Variants in ARHGEF10 observed in about 807,000 individuals in gnomAD.
The protein encoded by ARHGEF10 is Rho guanine nucleotide exchange factor (GEF) 10.
In ARHGEF10, 140 loss-of-function variants were observed where a neutral mutation model predicts 147.4. The observed-to-expected ratio is 0.95, with a 90% confidence interval of 0.83 to 1.09. The LOEUF is 1.09. Among genes scored for constraint, ARHGEF10 ranks in the 50% least tolerant of loss-of-function variants. The pLI is 0.00. For missense variants in ARHGEF10, 2,222 were observed against 1,752.7 expected (o/e 1.27, Z -4.78); for synonymous variants, 902 against 695.8 (o/e 1.30, Z -4.67).
At chr8:1,942,534 A>G (rs1657273994) in intron 26 of ARHGEF10, among the ~76,000 whole-genome samples, 2 of 152,060 alleles carry the variant, frequency 1.3e-5, no homozygotes, top group Admixed American at 6.5e-5. Flanking sequence ...TTCTGAGAAG[A>G]CAGTTTGTGA....
chr8:1,932,651 A>C (rs1296067006), intron 25 of ARHGEF10, among the ~76,000 whole-genome samples: 1 of 152,212 alleles, frequency 6.6e-6, no homozygotes, highest in Non-Finnish European at 1.5e-5. Context: ...ACCCTACAAC[A>C]CTTTTAGCCT....
intron 1 of ARHGEF10, among the ~76,000 whole-genome samples, chr8:1,835,169 G>A (rs2129041880): frequency 6.6e-6 from 1 of 152,282 alleles, no homozygotes; most frequent in East Asian, 1.9e-4. Context: ...CCTTTGCAGG[G>A]CCATGGAGGC....
chr8:1,901,760 G>C (rs1041124824), intron 15 of ARHGEF10, among the ~76,000 whole-genome samples: 6 of 152,166 alleles, frequency 3.9e-5, no homozygotes, highest in Admixed American at 3.9e-4. Flanking sequence ...TGCAGAACTA[G>C]TGTTAAGATT....
chr8:1,897,981 C>A (rs946129447), intron 14 of ARHGEF10, among the ~76,000 whole-genome samples: 1 of 152,154 alleles, frequency 6.6e-6, no homozygotes, highest in Admixed American at 6.5e-5. Context: ...CTGGAGACTC[C>A]CCCCAGGTCA....
intron 18 of ARHGEF10, among the ~76,000 whole-genome samples, chr8:1,919,664 A>G (rs1812074885): frequency 6.9e-6 from 1 of 145,394 alleles, no homozygotes; most frequent in African/African-American, 2.6e-5. Context: ...TCTGTCAGTG[A>G]TGGAGCTGTT....
intron 15 of ARHGEF10, among the ~76,000 whole-genome samples, chr8:1,900,879 C>A (rs143566703): frequency 1.3e-5 from 2 of 152,282 alleles, no homozygotes; most frequent in East Asian, 1.9e-4. Context: ...TTTAGAATTT[C>A]CCACACAGGG....
chr8:1,874,462 A>C (rs1807472217), intron 7 of ARHGEF10, among the ~76,000 whole-genome samples: 1 of 152,248 alleles, frequency 6.6e-6, no homozygotes, highest in African/African-American at 2.4e-5. Context: ...GAGGTGAAAA[A>C]GGTAACATGT....
At chr8:1,916,588 C>T (rs1469741474) in intron 18 of ARHGEF10, among the ~76,000 whole-genome samples, 2 of 152,208 alleles carry the variant, frequency 1.3e-5, no homozygotes, top group Admixed American at 1.3e-4. Context: ...GAGGAGCTGC[C>T]GTAACGTGTC....
chr8:1,824,664 C>G (rs1802628635), intron 1 of ARHGEF10, among the ~76,000 whole-genome samples: 1 of 124,022 alleles, frequency 8.1e-6, no homozygotes, highest in Non-Finnish European at 1.7e-5. Context: ...TCCCCCCGCA[C>G]CCCACCTGTT....
intron 28 of ARHGEF10, among the ~76,000 whole-genome samples, chr8:1,953,644 G>T (rs774128214): frequency 1.3e-5 from 1 of 75,650 alleles, no homozygotes; most frequent in African/African-American, 4.7e-5. Flanking sequence ...TTAACAGCAC[G>T]AAACAGGAGG....
At chr8:1,875,190 G>A (rs1353309868) in intron 7 of ARHGEF10, among the ~76,000 whole-genome samples, 2 of 105,390 alleles carry the variant, frequency 1.9e-5, no homozygotes, top group Admixed American at 9.8e-5. Flanking sequence ...GACACACACG[G>A]GGCTGTGTCG....
intron 25 of ARHGEF10, among the ~76,000 whole-genome samples, chr8:1,932,944 G>A (rs1469404516): frequency 6.6e-6 from 1 of 152,228 alleles, no homozygotes; most frequent in East Asian, 1.9e-4. Context: ...TGGTTAGACT[G>A]AGAATTGAAG....
At chr8:1,838,592 T>C (rs1803732999) in intron 1 of ARHGEF10, among the ~76,000 whole-genome samples, 1 of 152,246 alleles carries the variant, frequency 6.6e-6, no homozygotes, top group African/African-American at 2.4e-5. Flanking sequence ...GCACAGTTGG[T>C]GTTGGCTGAA....
At chr8:1,912,626 C>T (rs1049783568) in intron 18 of ARHGEF10, among the ~76,000 whole-genome samples, 10 of 126,850 alleles carry the variant, frequency 7.9e-5, no homozygotes, top group African/African-American at 2.4e-4. Flanking sequence ...GTTCGACATC[C>T]GGAGTTATGA....
chr8:1,873,636 CTAG>C (rs1209056632), intron 7 of ARHGEF10, among the ~76,000 whole-genome samples: 3 of 129,816 alleles, frequency 2.3e-5, no homozygotes, highest in African/African-American at 6.1e-5. Context: ...CCCGCATTTC[CTAG>C]TTGCCTTGAG....
At position 1,877,289 on chromosome 8, in the gene ARHGEF10, G is replaced by A. The variant is rs189329433; in HGVS notation, c.843+555G>A. Among the ~76,000 whole-genome samples the A allele has an allele frequency of 3.2e-3, 493 of 152,176 alleles. 5 individuals carry two copies. The highest frequency in any genetic ancestry group is 3.0e-3 in the Non-Finnish European group (201 of 68,006). Reference sequence around the variant, plus strand: ...GTCTCCCAGGCTGGAGTGCAATGGCGCAATCTCAGCTCACTGCAATCTCTG... The same window carrying A: ...GTCTCCCAGGCTGGAGTGCAATGGCACAATCTCAGCTCACTGCAATCTCTG... On this transcript the variant is annotated intron_variant, in intron 8 of 28. Transcript: ENST00000349830.
chr8:1,903,613 A>G (rs2129174883), intron 16 of ARHGEF10, 162 bp downstream of exon 16: 1 of 809,464 alleles, frequency 1.2e-6, no homozygotes, highest in Non-Finnish European at 2.0e-6. Context: ...GAGTCACACC[A>G]ATGTGGAAAT....
chr8:1,901,307 C>G (rs555040263), intron 15 of ARHGEF10, among the ~76,000 whole-genome samples: 23 of 152,234 alleles, frequency 1.5e-4, no homozygotes, highest in African/African-American at 5.5e-4. Context: ...CCCCTTCCTC[C>G]CAGTGACTCT....
intron 26 of ARHGEF10, among the ~76,000 whole-genome samples, chr8:1,940,100 A>G (rs1340751787): frequency 2.6e-5 from 4 of 152,184 alleles, no homozygotes; most frequent in African/African-American, 7.2e-5. Context: ...TTTTTAAATC[A>G]TCTTTCCAGA....
Sources: gnomAD v4.1 joint callset for allele counts (sites outside exome capture counted in the v4.1 genomes callset) on GRCh38, gnomAD v4.1.1 for gene constraint, MANE v1.5 for transcripts, NCBI Gene and HGNC (gene_info 2026-07-23, HGNC 2026-07-21) for gene names.